CCDC7: variants seen among roughly 807,000 people sequenced by gnomAD.
CCDC7 encodes coiled-coil domain containing 7, also known as coiled-coil domain-containing protein 7.
Under a neutral mutation model 196.9 loss-of-function variants are expected in CCDC7, and 183 were observed. The ratio of observed to expected loss-of-function variants is 0.93; its 90% CI spans 0.82 to 1.05. The LOEUF is 1.05. CCDC7 is among the 50% of genes least tolerant of loss of function. The probability of loss-of-function intolerance (pLI) is 0.00; values close to 1 mark genes in which losing one functional copy is unlikely to be tolerated. For missense variants in CCDC7, 1,540 were observed against 1,482.2 expected (o/e 1.04, Z -0.64); for synonymous variants, 525 against 484.6 (o/e 1.08, Z -1.10).
chr10:32,507,968 A>G (rs764946689), intron 9 of CCDC7, among the ~76,000 whole-genome samples: 5 of 152,258 alleles, frequency 3.3e-5, no homozygotes, highest in Non-Finnish European at 5.9e-5. Context: ...GAAAAAGACA[A>G]GGATGCCTAC....
chr10:32,688,658 A>G (rs1403054831), intron 22 of CCDC7, among the ~76,000 whole-genome samples: 1 of 152,158 alleles, frequency 6.6e-6, no homozygotes, highest in Non-Finnish European at 1.5e-5. Context: ...TGATATTGTC[A>G]TAGTTTATAT....
In CCDC7 at chr10:32,657,154, C is replaced by T. The variant is rs186111641; in HGVS notation, c.2015-6900C>T. ...ATTCCCAGGTGCCTTCACAGCTGGCCTTGAGTGTCTCCAGCTTTTCCAGGC... is the reference window on the plus strand; with the variant it reads ...ATTCCCAGGTGCCTTCACAGCTGGCTTTGAGTGTCTCCAGCTTTTCCAGGC... On this transcript the variant is annotated intron_variant, in intron 20 of 41. Coordinates refer to ENST00000639629, the Ensembl canonical transcript of CCDC7. 3.3e-5 allele frequency among the ~76,000 whole-genome samples: 5 copies of T among 152,340 alleles called. No homozygotes were observed. In the East Asian group the frequency reaches 9.6e-4, roughly 29 times the overall value.
At chr10:32,646,998 A>G (rs2067881035) in intron 20 of CCDC7, among the ~76,000 whole-genome samples, 1 of 152,116 alleles carries the variant, frequency 6.6e-6, no homozygotes, top group Non-Finnish European at 1.5e-5. Flanking sequence ...GGGCAACGAG[A>G]TTGATTCCAT....
chr10:32,536,071 C>T (rs1192682402), intron 11 of CCDC7, among the ~76,000 whole-genome samples: 4 of 152,250 alleles, frequency 2.6e-5, no homozygotes, highest in African/African-American at 7.2e-5. Context: ...TTAGTCCTTG[C>T]TGGGATAGCC....
exon 6 of CCDC7, chr10:32,471,136 G>A: frequency 6.2e-7 from 1 of 1,612,606 alleles, no homozygotes; most frequent in Non-Finnish European, 8.5e-7. Context: ...AAATATTGCA[G>A]AAATAGTAAG....
At chr10:32,623,231 T>C (rs910162643) in intron 18 of CCDC7, among the ~76,000 whole-genome samples, 12 of 152,184 alleles carry the variant, frequency 7.9e-5, no homozygotes, top group Middle Eastern at 3.2e-3. Flanking sequence ...ATTCCTTTTT[T>C]ATTTAAAAGG....
chr10:32,762,908 C>T (rs2077676078), intron 28 of CCDC7, among the ~76,000 whole-genome samples: 1 of 151,678 alleles, frequency 6.6e-6, no homozygotes, highest in Admixed American at 6.6e-5. Context: ...CTATAAAACT[C>T]TTGAAGAAAA....
chr10:32,804,975 T>C (rs1202913822), intron 29 of CCDC7, 40 bp from the exon 31 acceptor site: 1 of 1,293,794 alleles, frequency 7.7e-7, no homozygotes, highest in Non-Finnish European at 1.1e-6. Flanking sequence ...TATGTAAGGA[T>C]TACCTCGCAA....
intron 31 of CCDC7, among the ~76,000 whole-genome samples, chr10:32,816,560 G>A (rs1019385823): frequency 6.6e-6 from 1 of 152,156 alleles, no homozygotes; most frequent in Non-Finnish European, 1.5e-5. Context: ...CCTGACCCTC[G>A]AGTAGCCTAA....
upstream of CCDC7, among the ~76,000 whole-genome samples, chr10:32,445,151 C>G (rs1269219323): frequency 6.6e-6 from 1 of 152,190 alleles, no homozygotes; most frequent in African/African-American, 2.4e-5. Context: ...CCACGCCCAG[C>G]CTGCCTTCAT....
chr10:32,666,730 A>C (rs1401872325), intron 21 of CCDC7, among the ~76,000 whole-genome samples: 1 of 152,116 alleles, frequency 6.6e-6, no homozygotes, highest in Non-Finnish European at 1.5e-5. Flanking sequence ...GTTGCGTATT[A>C]TTCCATGGTG....
chr10:32,692,974 C>T (rs939851817), intron 23 of CCDC7, among the ~76,000 whole-genome samples: 5 of 152,098 alleles, frequency 3.3e-5, no homozygotes, highest in Non-Finnish European at 5.9e-5. Flanking sequence ...CTATTTGCTC[C>T]CTATTCTAAT....
intron 18 of CCDC7, among the ~76,000 whole-genome samples, chr10:32,621,788 C>T (rs3006749): frequency 0.24 from 36,977 of 152,000 alleles, 5,080 homozygotes; most frequent in East Asian, 0.42. Context: ...TGTTGCTCTG[C>T]GTTTTTGTTC....
chr10:32,522,688 T>C (rs2048052402), intron 11 of CCDC7, among the ~76,000 whole-genome samples: 1 of 152,158 alleles, frequency 6.6e-6, no homozygotes, highest in African/African-American at 2.4e-5. Context: ...ATCTTTATTA[T>C]TTCTTCTACT....
intron 29 of CCDC7, among the ~76,000 whole-genome samples, chr10:32,801,966 T>G (rs535752191): frequency 2.0e-4 from 31 of 152,322 alleles, no homozygotes; most frequent in African/African-American, 7.0e-4. Flanking sequence ...AGTTGCATGG[T>G]CCCATTCTTT....
At chr10:32,520,475 T>C (rs1272094670) in intron 11 of CCDC7, among the ~76,000 whole-genome samples, 1 of 152,120 alleles carries the variant, frequency 6.6e-6, no homozygotes, top group Non-Finnish European at 1.5e-5. Context: ...ATCAGTGATG[T>C]TGAGGGCCTT....
At chr10:32,803,437 A>G (rs1436271618) in intron 29 of CCDC7, among the ~76,000 whole-genome samples, 2 of 152,094 alleles carry the variant, frequency 1.3e-5, no homozygotes, top group African/African-American at 4.8e-5. Context: ...TTAGCTTTTT[A>G]TATATTTATA....
chr10:32,812,649 T>C (rs954014228), intron 30 of CCDC7, among the ~76,000 whole-genome samples: 2 of 152,066 alleles, frequency 1.3e-5, no homozygotes, highest in African/African-American at 2.4e-5. Context: ...CAGAAAAACA[T>C]TTTTAAAAGA....
At chr10:32,636,705 T>A (rs1375459127) in intron 20 of CCDC7, among the ~76,000 whole-genome samples, 1 of 152,204 alleles carries the variant, frequency 6.6e-6, no homozygotes, top group Admixed American at 6.5e-5. Flanking sequence ...GCATGTGTCT[T>A]TATAGGAGCA....
Sources: gnomAD v4.1 joint callset for allele counts (sites outside exome capture counted in the v4.1 genomes callset) on GRCh38, gnomAD v4.1.1 for gene constraint, MANE v1.5 for transcripts, NCBI Gene and HGNC (gene_info 2026-07-23, HGNC 2026-07-21) for gene names.